Variants in SMARCA4 observed in about 807,000 individuals in gnomAD.
SMARCA4 encodes the protein SWI/SNF related BAF chromatin remodeling complex subunit ATPase 4.
A neutral mutation model predicts 193.9 loss-of-function variants in SMARCA4; 31 were observed. That is an observed-to-expected ratio of 0.16 (90% CI 0.12 to 0.22). SMARCA4 has a LOEUF of 0.22. Among genes scored for constraint, SMARCA4 ranks in the 10% least tolerant of loss-of-function variants. The probability of loss-of-function intolerance (pLI) is 1.00; values close to 1 mark genes in which losing one functional copy is unlikely to be tolerated. For synonymous variants in SMARCA4, 942 were observed against 933.1 expected, an observed-to-expected ratio of 1.01 and a Z score of -0.17; for missense variants, 1,148 against 2,296.0, an observed-to-expected ratio of 0.50 and a Z score of 10.22.
chr19:11,047,103 A>G (rs1031568120), intron 30 of SMARCA4, among the ~76,000 whole-genome samples: 18 of 152,310 alleles, frequency 1.2e-4, no homozygotes, highest in Admixed American at 9.8e-4. Context: ...CAGGGTCCAC[A>G]GGGTGGGAAA....
chr19:10,966,702 A>G (rs1377309003), intron 1 of SMARCA4, among the ~76,000 whole-genome samples: 5 of 151,868 alleles, frequency 3.3e-5, no homozygotes, highest in Admixed American at 3.3e-4. Flanking sequence ...CCTGGGCAAC[A>G]TTGTGAAACC....
intron 30 of SMARCA4, among the ~76,000 whole-genome samples, chr19:11,046,084 G>A (rs1254357659): frequency 6.6e-6 from 1 of 152,126 alleles, no homozygotes; most frequent in Non-Finnish European, 1.5e-5. Context: ...TTAGCCAGGC[G>A]TGGTGGCGGG....
chr19:11,048,653 G>T (rs2146943948), intron 30 of SMARCA4, among the ~76,000 whole-genome samples: 1 of 152,342 alleles, frequency 6.6e-6, no homozygotes, highest in South Asian at 2.1e-4. Flanking sequence ...GACAGAAGTG[G>T]TTTAGCTGGG....
Position 11,057,644 on chromosome 19 carries a change from G to T in SMARCA4, c.4425-611G>T, listed in dbSNP as rs549476201. On this transcript the variant is annotated intron_variant, in intron 30 of 34. Transcript: ENST00000344626. ...CTCGGGAGGCTGAGGCAGGAGAATT[G>T]CTTGAGCCCAGGAGGCAGAGGTTGC... Among the ~76,000 whole-genome samples the T allele has an allele frequency of 4.6e-5, 7 of 151,790 alleles. No individual in the cohort carries two copies. In the East Asian group the frequency reaches 1.4e-3, roughly 30 times the overall value.
chr19:11,028,302 G>T (rs2090405995), intron 24 of SMARCA4, among the ~76,000 whole-genome samples: 1 of 152,224 alleles, frequency 6.6e-6, no homozygotes, highest in South Asian at 2.1e-4. Flanking sequence ...AACCCCAGGA[G>T]GTTAAACATC....
At chr19:10,979,603 G>C (rs1290680017) in intron 1 of SMARCA4, among the ~76,000 whole-genome samples, 1 of 151,402 alleles carries the variant, frequency 6.6e-6, no homozygotes, top group Non-Finnish European at 1.5e-5. Context: ...CTGGACTCAA[G>C]CGATCCTTCT....
At chr19:11,059,305 C>T in intron 32 of SMARCA4, 2 of 303,408 alleles carry the variant, frequency 6.6e-6, no homozygotes, top group Admixed American at 4.9e-5. Context: ...TTTGTTCTTT[C>T]CTGTGATAGA....
In SMARCA4 at chr19:11,034,234, C is replaced by A. The variant is rs754202425; in HGVS notation, c.3951+34C>A. ...TGCAGGCTGGATGGGGCAGTTCAGG[C>A]ATCCCACTCTGCTGCCACCAGGAGC... On this transcript the variant is annotated intron_variant, in intron 28 of 34. Coordinates refer to ENST00000344626, the MANE Select transcript of SMARCA4 (RefSeq NM_003072.5). This position sits in a 1 kb window ranked among gnomAD's most constrained non-coding sequence, Gnocchi z 7.0. 2 of 1,525,782 alleles carry A rather than the reference C, an allele frequency of 1.3e-6. No individual in the cohort carries two copies. The highest frequency in any genetic ancestry group is 1.8e-6 in the Non-Finnish European group (2 of 1,099,828). The allele number at this position is 1,525,782 out of a possible 1,614,324, so 94.5% of individuals were successfully genotyped here. A position where few individuals can be genotyped will look rare whatever the true frequency, so the allele number is the denominator to read the frequency against.
At chr19:11,037,180 C>T (rs1480480254) in intron 29 of SMARCA4, among the ~76,000 whole-genome samples, 1 of 152,196 alleles carries the variant, frequency 6.6e-6, no homozygotes, top group Non-Finnish European at 1.5e-5. Context: ...TGTGCCTAGG[C>T]GTAGAGTTGC....
intron 34 of SMARCA4, 153 bp downstream of exon 34, chr19:11,060,340 A>C: frequency 1.0e-6 from 1 of 954,136 alleles, no homozygotes; most frequent in South Asian, 1.5e-5. Context: ...CCCAGGTCAC[A>C]CAGCCAGTAT....
intron 1 of SMARCA4, among the ~76,000 whole-genome samples, chr19:10,981,462 C>T (rs1368742701): frequency 2.0e-5 from 3 of 152,212 alleles, no homozygotes; most frequent in South Asian, 2.1e-4. Context: ...GCAGAATGTG[C>T]GAATATCCAC....
chr19:11,011,054 G>A, intron 15 of SMARCA4: 2 of 222,020 alleles, frequency 9.0e-6, no homozygotes, highest in Non-Finnish European at 1.8e-5. Context: ...GTGAAAAGTT[G>A]GTGGCTCTGA....
At chr19:11,020,578 CTT>C (rs2089775560) in intron 18 of SMARCA4, 1 of 151,934 alleles carries the variant, frequency 6.6e-6, no homozygotes, top group Admixed American at 6.6e-5. Context: ...TCCCAGCTAA[CTT>C]TTTTAAATTT....
chr19:11,012,771 G>T, intron 15 of SMARCA4, 178 bp from the exon 16 acceptor site: 1 of 679,514 alleles, frequency 1.5e-6, no homozygotes, highest in Non-Finnish European at 2.7e-6. Flanking sequence ...TAAGGATGAG[G>T]CTAAGCGATA....
At chr19:11,037,951 C>T (rs530736097) in intron 29 of SMARCA4, among the ~76,000 whole-genome samples, 1 of 152,276 alleles carries the variant, frequency 6.6e-6, no homozygotes, top group South Asian at 2.1e-4. Flanking sequence ...AAATATTATA[C>T]AAAACACTGT....
chr19:11,031,013 C>T lies in SMARCA4; in HGVS notation c.3546+120C>T, dbSNP rs1485728095. ...TCCACATTGTCTTGGACCCCAGGAG[C>T]CGGGAGGAGCTGCACCCATATCTCC... On this transcript the variant is annotated intron_variant, in intron 25 of 34. Transcript: ENST00000344626. This position sits in a 1 kb window ranked among gnomAD's most constrained non-coding sequence, Gnocchi z 4.3. 5 of 929,766 alleles carry T rather than the reference C, an allele frequency of 5.4e-6. No homozygotes were observed. Among genetic ancestry groups the T allele is most frequent in the Non-Finnish European group, 8.4e-6 (5 of 593,842 alleles). The allele number at this position is 929,766 out of a possible 1,614,324, so 57.6% of individuals were successfully genotyped here. A position where few individuals can be genotyped will look rare whatever the true frequency, so the allele number is the denominator to read the frequency against.
At position 10,985,284 on chromosome 19, in the gene SMARCA4, C is replaced by T. The variant is rs1568419701; in HGVS notation, c.234C>T (p.Ser78=). The T allele has an allele frequency of 5.6e-6, 9 of 1,613,980 alleles. No individual in the cohort carries two copies. The highest frequency in any genetic ancestry group is 7.6e-6 in the Non-Finnish European group (9 of 1,179,992). Residue 78 remains serine (S), a synonymous_variant, in exon 3 of 35, where the codon TCC becomes TCT. Transcript: ENST00000344626. The surrounding 1 kb of genome is among the most constrained non-coding windows in gnomAD (Gnocchi z 4.5). The part of the protein sequence containing the change: ...NMHQMHKPME[S]MHEKGMSDDP... ...GGTCCCTCTCGCAGCCCATGGAGTCCATGCATGAGAAGGGCATGTCGGACG... is the reference window on the plus strand; with the variant it reads ...GGTCCCTCTCGCAGCCCATGGAGTCTATGCATGAGAAGGGCATGTCGGACG...
chr19:10,987,814 G>A lies in SMARCA4; in HGVS notation c.1008G>A (p.Pro336=), dbSNP rs749986864. 11 of 1,605,280 alleles carry A rather than the reference G, an allele frequency of 6.9e-6. No homozygotes were observed. In the East Asian group the frequency reaches 1.1e-4, roughly 16 times the overall value. The stretch of plus-strand genomic sequence containing the variant: ...CGCAGACCCAGTCCCCCGGGCAGCC[G>A]GCCCAGCCCGCGCCCATGGTGCCAC... The part of the protein sequence containing the change: ...MPPQTQSPGQ[P]AQPAPMVPLH... Residue 336 remains proline, a synonymous_variant, in exon 6 of 35, where the codon CCG becomes CCA. Coordinates refer to ENST00000344626, the MANE Select transcript of SMARCA4 (RefSeq NM_003072.5). This position sits in a 1 kb window ranked among gnomAD's most constrained non-coding sequence, Gnocchi z 5.3.
Position 11,035,018 on chromosome 19 carries a change from G to A in SMARCA4, c.4056G>A (p.Ala1352=), listed in dbSNP as rs765686829. 32 of 1,612,422 alleles carry A rather than the reference G, an allele frequency of 2.0e-5. No homozygotes were observed. The highest frequency in any genetic ancestry group is 1.7e-4 in the Middle Eastern group (1 of 6,010). ...CCTCGTGGATCATCAAGGACGACGC[G>A]GAGGTGGAGCGGCTGACCTGTGAGG... ...ELPSWIIKDD[A]EVERLTCEEE... Residue 1352 remains alanine (A), a synonymous_variant, in exon 29 of 35, where the codon GCG becomes GCA. Transcript: ENST00000344626.
Sources: gnomAD v4.1 joint callset for allele counts (sites outside exome capture counted in the v4.1 genomes callset) on GRCh38, gnomAD v4.1.1 for gene constraint, Gnocchi (gnomAD v3.1) non-coding constraint, MANE v1.5 for transcripts, NCBI Gene and HGNC (gene_info 2026-07-23, HGNC 2026-07-21) for gene names.